The following NRXN1 variants were observed in gnomAD, a reference collection of about 807,000 sequenced individuals.
NRXN1 encodes the protein neurexin 1.
A neutral mutation model predicts 150.9 loss-of-function variants in NRXN1; 39 were observed. That is an observed-to-expected ratio of 0.26 (90% CI 0.20 to 0.34). NRXN1 has a LOEUF of 0.34. Among genes scored for constraint, NRXN1 ranks in the 10% least tolerant of loss-of-function variants. NRXN1 has a pLI of 1.00. For synonymous variants in NRXN1, 924 were observed against 757.0 expected (o/e 1.22, Z -3.62); for missense variants, 1,815 against 1,949.9 (o/e 0.93, Z 1.30).
chr2:50,900,527 G>A (rs1246454249), intron 5 of NRXN1, among the ~76,000 whole-genome samples: 1 of 152,134 alleles, frequency 6.6e-6, no homozygotes, highest in African/African-American at 2.4e-5. Flanking sequence ...CATTTCAGGT[G>A]GGAAGGCGGG....
intron 19 of NRXN1, among the ~76,000 whole-genome samples, chr2:50,066,270 T>C (rs1348273620): frequency 2.0e-5 from 3 of 152,180 alleles, no homozygotes; most frequent in African/African-American, 4.8e-5. Context: ...GATTCTATTG[T>C]TGAAGAGCTT....
chr2:50,394,184 C>T (rs992111907), intron 17 of NRXN1, among the ~76,000 whole-genome samples: 2 of 152,024 alleles, frequency 1.3e-5, no homozygotes, highest in African/African-American at 4.8e-5. Context: ...TGGGTAATTT[C>T]ATCTTGTCCT....
chr2:50,203,717 C>T (rs2062355658), intron 18 of NRXN1, among the ~76,000 whole-genome samples: 4 of 152,002 alleles, frequency 2.6e-5, no homozygotes, highest in Admixed American at 2.6e-4. Context: ...AGACATATGC[C>T]CTATTATTTG....
chr2:50,175,266 T>C (rs2060283468), intron 18 of NRXN1: 1 of 152,100 alleles, frequency 6.6e-6, no homozygotes, highest in Non-Finnish European at 1.5e-5. Flanking sequence ...GCTTTCTAAC[T>C]CAATGGTTAT....
At chr2:50,747,877 C>A (rs550577366) in intron 5 of NRXN1, among the ~76,000 whole-genome samples, 1 of 152,034 alleles carries the variant, frequency 6.6e-6, no homozygotes, top group Non-Finnish European at 1.5e-5. Context: ...GCCCAAGGCT[C>A]GCAACCAGGA....
At chr2:50,237,258 T>G (rs896744301) in intron 17 of NRXN1, among the ~76,000 whole-genome samples, 4 of 152,032 alleles carry the variant, frequency 2.6e-5, no homozygotes, top group Non-Finnish European at 5.9e-5. Flanking sequence ...CGGAATGTAA[T>G]GAGGCATTAT....
chr2:50,707,536 T>A (rs1327442508), intron 5 of NRXN1, among the ~76,000 whole-genome samples: 2 of 152,192 alleles, frequency 1.3e-5, no homozygotes, highest in Non-Finnish European at 2.9e-5. Context: ...TATTGAAAAT[T>A]CAGTCAAACA....
intron 2 of NRXN1, among the ~76,000 whole-genome samples, chr2:50,969,883 G>T (rs544205562): frequency 5.9e-5 from 9 of 152,144 alleles, no homozygotes; most frequent in Non-Finnish European, 1.3e-4. Flanking sequence ...AAGACCCAAA[G>T]ATAAAGAGGA....
chr2:50,064,246 A>G (rs1695003446), intron 19 of NRXN1, among the ~76,000 whole-genome samples: 2 of 151,786 alleles, frequency 1.3e-5, no homozygotes, highest in Admixed American at 1.3e-4. Context: ...TTCATTATAT[A>G]TATAAAATGA....
At chr2:50,421,170 C>T (rs922827450) in intron 17 of NRXN1, among the ~76,000 whole-genome samples, 2 of 151,794 alleles carry the variant, frequency 1.3e-5, no homozygotes, top group African/African-American at 2.4e-5. Flanking sequence ...TTTACACTAA[C>T]GTTATGATAT....
chr2:50,353,593 C>G (rs549252599), intron 17 of NRXN1, among the ~76,000 whole-genome samples: 23 of 152,218 alleles, frequency 1.5e-4, no homozygotes, highest in Admixed American at 4.6e-4. Flanking sequence ...AAATTGGAAC[C>G]ATTTCTAAAA....
chr2:49,994,672 G>A (rs1682626533), intron 21 of NRXN1, among the ~76,000 whole-genome samples: 2 of 152,026 alleles, frequency 1.3e-5, no homozygotes, highest in Non-Finnish European at 1.5e-5. Flanking sequence ...ACAGAACATG[G>A]TCATCCTAAA....
At chr2:50,919,972 A>C in intron 5 of NRXN1, 1 of 373,538 alleles carries the variant, frequency 2.7e-6, no homozygotes, top group Non-Finnish European at 5.9e-6. Flanking sequence ...TCATGATTGT[A>C]TTTCTGCTCT....
At chr2:50,645,955 A>T (rs1684757435) in intron 5 of NRXN1, among the ~76,000 whole-genome samples, 1 of 151,934 alleles carries the variant, frequency 6.6e-6, no homozygotes, top group Admixed American at 6.6e-5. Flanking sequence ...AGGAAACTGA[A>T]ATGTGCCTTG....
chr2:50,878,540 C>T (rs1015270613), intron 5 of NRXN1, among the ~76,000 whole-genome samples: 1 of 151,866 alleles, frequency 6.6e-6, no homozygotes, highest in African/African-American at 2.4e-5. Context: ...GCATCCTGTA[C>T]TGGCTTTTTA....
intron 5 of NRXN1, among the ~76,000 whole-genome samples, chr2:50,888,286 T>C (rs1203781340): frequency 1.3e-5 from 2 of 151,554 alleles, no homozygotes; most frequent in African/African-American, 4.8e-5. Context: ...GATCAAACAA[T>C]TATACAAATT....
At position 50,107,517 on chromosome 2, in the gene NRXN1, C is replaced by CTATATATATA. The variant is rs1333614060; in HGVS notation, c.3547-16024_3547-16023insTATATATATA. 1.5e-3 allele frequency among the ~76,000 whole-genome samples: 184 copies of CTATATATATA among 123,780 alleles called. 3 individuals are homozygous for CTATATATATA. Among genetic ancestry groups the CTATATATATA allele is most frequent in the East Asian group, 3.6e-3 (16 of 4,482 alleles). The allele number at this position is 123,780 out of a possible 152,430, so 81.2% of individuals were successfully genotyped here. A position where few individuals can be genotyped will look rare whatever the true frequency, so the allele number is the denominator to read the frequency against. On this transcript the variant is annotated intron_variant, in intron 18 of 22. Transcript: ENST00000401669. The stretch of plus-strand genomic sequence containing the variant: ...TTATTGTCACATGCTACATTCCAGA[C>CTATATATATA]TACATATATATATATATATATATTT...
chr2:50,019,947 C>CA lies in NRXN1; in HGVS notation c.4128+33323dup, dbSNP rs1161865745. Reference sequence around the variant, plus strand: ...TGGGTGACAAAGCAAGACTCCGTCTCAAAAAAAAAAAAAAAAAAAAAAAAA... The same window carrying CA: ...TGGGTGACAAAGCAAGACTCCGTCTCAAAAAAAAAAAAAAAAAAAAAAAAAA... On this transcript the variant is annotated intron_variant, in intron 21 of 22. Transcript: ENST00000401669. Among the ~76,000 whole-genome samples, 241 of 43,320 alleles carry CA rather than the reference C, an allele frequency of 5.6e-3. 5 individuals are homozygous for CA. Among genetic ancestry groups the CA allele is most frequent in the Middle Eastern group, 0.019 (1 of 52 alleles). The allele number at this position is 43,320 out of a possible 152,430, so 28.4% of individuals were successfully genotyped here.
intron 18 of NRXN1, among the ~76,000 whole-genome samples, chr2:50,222,187 G>A (rs1428704323): frequency 1.3e-5 from 2 of 151,970 alleles, no homozygotes; most frequent in East Asian, 3.9e-4. Context: ...ACTGAAAAGA[G>A]CCGCATGCTT....
Sources: allele counts gnomAD v4.1 joint callset (sites outside exome capture counted in the v4.1 genomes callset), GRCh38; gene constraint gnomAD v4.1.1; transcripts MANE v1.5; gene names NCBI Gene and HGNC (gene_info 2026-07-23, HGNC 2026-07-21).